The following REEP5 variants were observed in gnomAD, a reference collection of about 807,000 sequenced individuals.
REEP5 encodes receptor expression-enhancing protein 5.
REEP5 carries 24 observed loss-of-function variants against 22.4 expected under a neutral mutation model. The observed-to-expected ratio is 1.07, with a 90% CI of 0.78 to 1.51. The LOEUF is 1.51. REEP5 is among the 40% of genes most tolerant of loss of function. The pLI, the probability that REEP5 is intolerant of heterozygous loss-of-function variation, is 0.00. For synonymous variants in REEP5, 103 were observed against 88.6 expected (o/e 1.16, Z -0.92); for missense variants, 252 against 233.0 (o/e 1.08, Z -0.53).
In REEP5 at chr5:112,877,344, TGTTA is replaced by T. The variant is rs1457428783; in HGVS notation, c.*1438_*1441del. On this transcript the variant is annotated 3_prime_UTR_variant, in exon 5 of 5. Coordinates refer to ENST00000379638, the MANE Select transcript of REEP5 (RefSeq NM_005669.5). ...ACTGTACTGGCTGGATATTTAATCT[TGTTA>T]GTTTAGTTATACACTTGTTTTAGTC... 1 of 152,232 alleles carries T rather than the reference TGTTA, an allele frequency of 6.6e-6. No individual in the cohort carries two copies. Among genetic ancestry groups the T allele is most frequent in the Non-Finnish European group, 1.5e-5 (1 of 68,034 alleles). The allele number at this position is 152,232 out of a possible 1,614,324, so 9.4% of individuals were successfully genotyped here. A position where few individuals can be genotyped will look rare whatever the true frequency, so the allele number is the denominator to read the frequency against.
intron 2 of REEP5, among the ~76,000 whole-genome samples, chr5:112,913,333 A>C (rs1769149472): frequency 1.3e-5 from 2 of 151,044 alleles, no homozygotes; most frequent in African/African-American, 4.9e-5. Context: ...ACAGACAGAA[A>C]GGAAAAGAAA....
chr5:112,884,788 C>A lies in REEP5; in HGVS notation c.520+2227G>T, dbSNP rs551421569. 3.4e-4 allele frequency among the ~76,000 whole-genome samples: 51 copies of A among 148,424 alleles called. 1 individual carries two copies. The highest frequency in any genetic ancestry group is 1.1e-3 in the African/African-American group (44 of 39,458). On this transcript the variant is annotated intron_variant, in intron 4 of 4. Transcript: ENST00000379638. ...ATCCCTCCAGTCCTTGGCCCCCCCC[C>A]ATCTTTCTACTTGCTTTATTTTTTC...
chr5:112,905,576 G>C (rs547891763), intron 2 of REEP5, among the ~76,000 whole-genome samples: 33 of 149,350 alleles, frequency 2.2e-4, no homozygotes, highest in African/African-American at 8.1e-4. Flanking sequence ...ACAAACTTGA[G>C]GTTTTCTGAA....
intron 2 of REEP5, among the ~76,000 whole-genome samples, chr5:112,919,282 T>G (rs1490795103): frequency 1.3e-5 from 2 of 152,128 alleles, no homozygotes. Flanking sequence ...GTGTGGTAGC[T>G]CACGCCTGTA....
chr5:112,922,035 C>G (rs1332001588), intron 1 of REEP5, 38 bp downstream of exon 1: 1 of 1,572,644 alleles, frequency 6.4e-7, no homozygotes, highest in African/African-American at 1.4e-5. Flanking sequence ...CGGCGGCTCC[C>G]GTGGCCCTAC....
intron 2 of REEP5, among the ~76,000 whole-genome samples, chr5:112,904,273 T>C (rs1031891439): frequency 6.6e-6 from 1 of 152,222 alleles, no homozygotes; most frequent in Non-Finnish European, 1.5e-5. Flanking sequence ...AAAGGAAAAG[T>C]GTAGACAAGC....
intron 3 of REEP5, chr5:112,895,042 T>C (rs1474803206): frequency 6.6e-6 from 1 of 151,600 alleles, no homozygotes; most frequent in African/African-American, 2.4e-5. Context: ...TTCGAGACCA[T>C]CCTGGCCAAC....
intron 2 of REEP5, among the ~76,000 whole-genome samples, chr5:112,903,130 A>C (rs1241288253): frequency 6.6e-6 from 1 of 152,216 alleles, no homozygotes; most frequent in Non-Finnish European, 1.5e-5. Context: ...CCCAACCCTA[A>C]CTATTGCTTA....
chr5:112,895,258 AT>A (rs1465393548), intron 3 of REEP5: 3 of 150,904 alleles, frequency 2.0e-5, no homozygotes, highest in African/African-American at 7.3e-5. Flanking sequence ...AAAAAAAAAA[AT>A]CAGGAGAGGT....
intron 2 of REEP5, among the ~76,000 whole-genome samples, chr5:112,913,920 TTGTGTG>T (rs150644247): frequency 6.6e-6 from 1 of 150,416 alleles, no homozygotes; most frequent in Non-Finnish European, 1.5e-5. Context: ...GTGTGTGTGT[TTGTGTG>T]TGTGTGTGTG....
chr5:112,884,939 T>C (rs116738471), intron 4 of REEP5, among the ~76,000 whole-genome samples: 2,405 of 152,298 alleles, frequency 0.016, 32 homozygotes, highest in Non-Finnish European at 0.023. Flanking sequence ...GCCAGTGTTA[T>C]GAACATGCTT....
At chr5:112,891,696 A>G in intron 3 of REEP5, 5 of 1,614,120 alleles carry the variant, frequency 3.1e-6, no homozygotes, top group Non-Finnish European at 3.4e-6. Flanking sequence ...CAGAGAAACC[A>G]AGCCACAAAA....
chr5:112,892,978 A>G (rs758469772), intron 3 of REEP5: 43 of 1,585,806 alleles, frequency 2.7e-5, no homozygotes, highest in Non-Finnish European at 3.5e-5. Context: ...GAGCCGCAGG[A>G]GCCACCGCAG....
At chr5:112,889,360 G>T (rs1348193888) in intron 3 of REEP5, among the ~76,000 whole-genome samples, 1 of 150,518 alleles carries the variant, frequency 6.6e-6, no homozygotes, top group Admixed American at 6.6e-5. Context: ...TAAAGTTATG[G>T]GAAAGATATA....
rs553109050 is a variant in REEP5, at chr5:112,919,746, T to C, written c.212+1417A>G. 2.6e-5 allele frequency among the ~76,000 whole-genome samples: 4 copies of C among 152,274 alleles called. No homozygotes were observed. In the South Asian group the frequency reaches 8.3e-4, roughly 32 times the overall value. On this transcript the variant is annotated intron_variant, in intron 2 of 4. Transcript: ENST00000379638. Reference sequence around the variant, plus strand: ...ACCAAATCTGCTGGTGCCTTGGTCCTGGATTTCCCAGCCTCCAGAACTGTG... The same window carrying C: ...ACCAAATCTGCTGGTGCCTTGGTCCCGGATTTCCCAGCCTCCAGAACTGTG...
chr5:112,912,675 G>C (rs568679857), intron 2 of REEP5, among the ~76,000 whole-genome samples: 27 of 152,164 alleles, frequency 1.8e-4, no homozygotes, highest in Non-Finnish European at 3.5e-4. Context: ...AATCCTTTTT[G>C]TTATGGCAGA....
chr5:112,899,769 G>A (rs1247456101), intron 3 of REEP5, among the ~76,000 whole-genome samples: 1 of 152,130 alleles, frequency 6.6e-6, no homozygotes, highest in Non-Finnish European at 1.5e-5. Context: ...ATACCACTAG[G>A]CTGTTAAGTA....
chr5:112,918,439 A>G (rs534231316), intron 2 of REEP5, among the ~76,000 whole-genome samples: 116 of 152,294 alleles, frequency 7.6e-4, no homozygotes, highest in Middle Eastern at 3.4e-3. Context: ...AGCTTTTCCC[A>G]ATTTCATCTT....
intron 2 of REEP5, among the ~76,000 whole-genome samples, chr5:112,910,789 A>G (rs550751486): frequency 6.6e-6 from 1 of 152,184 alleles, no homozygotes; most frequent in Non-Finnish European, 1.5e-5. Flanking sequence ...AATAGCAGAC[A>G]CTGTTCCTTG....
Sources: gnomAD v4.1 joint callset for allele counts (sites outside exome capture counted in the v4.1 genomes callset) on GRCh38, gnomAD v4.1.1 for gene constraint, MANE v1.5 for transcripts, NCBI Gene and HGNC (gene_info 2026-07-23, HGNC 2026-07-21) for gene names.